ANKRD26: variants seen among roughly 807,000 people sequenced by gnomAD.
ANKRD26 encodes ankyrin repeat domain-containing protein 26.
ANKRD26 carries 141 observed loss-of-function variants against 208.7 expected under a neutral mutation model. The observed-to-expected ratio is 0.68, with a 90% CI of 0.59 to 0.78. The LOEUF is 0.78. ANKRD26 is among the 30% of genes least tolerant of loss of function. ANKRD26 has a pLI of 0.00. For missense variants in ANKRD26, 1,889 were observed against 1,938.7 expected (o/e 0.97, Z 0.48); for synonymous variants, 636 against 660.4 (o/e 0.96, Z 0.57).
At chr10:27,035,843 A>G in intron 23 of ANKRD26, 91 bp from the exon 24 acceptor site, 1 of 983,424 alleles carries the variant, frequency 1.0e-6, no homozygotes, top group Non-Finnish European at 1.6e-6. Flanking sequence ...TGTACATTTT[A>G]CAATAAAGGG....
rs1363304737 is a variant in ANKRD26 at position 27,029,212 on chromosome 10, T to A, written c.3878+74A>T. The A allele has an allele frequency of 1.4e-5, 21 of 1,475,642 alleles. No homozygotes were observed. In the Admixed American group the frequency reaches 3.3e-4, roughly 23 times the overall value. 91.4% of individuals were successfully genotyped at this position (1,475,642 alleles called of 1,614,324 possible). On this transcript the variant is annotated intron_variant, in intron 26 of 33. Coordinates refer to ENST00000376087, the MANE Select transcript of ANKRD26 (RefSeq NM_014915.3). Reference sequence around the variant, plus strand: ...CAGATGTACTTATGATCATAGCTGATATAATTCTCATACTACACTGCTTAT... The same window carrying A: ...CAGATGTACTTATGATCATAGCTGAAATAATTCTCATACTACACTGCTTAT...
At chr10:27,096,930 C>T (rs183213705) in intron 1 of ANKRD26, among the ~76,000 whole-genome samples, 13 of 151,988 alleles carry the variant, frequency 8.6e-5, no homozygotes, top group African/African-American at 3.1e-4. Flanking sequence ...GCCTGTAATC[C>T]CAACACTTTG....
At chr10:27,030,406 C>G (rs2135130934) in intron 25 of ANKRD26, 2 of 985,414 alleles carry the variant, frequency 2.0e-6, no homozygotes, top group Non-Finnish European at 2.4e-6. Flanking sequence ...GCCATCAGAG[C>G]ACTGGACTGA....
chr10:27,078,985 C>T (rs1243617620), intron 7 of ANKRD26, 104 bp downstream of exon 7: 1 of 850,210 alleles, frequency 1.2e-6, no homozygotes, highest in Non-Finnish European at 1.9e-6. Context: ...CTTTCCATTA[C>T]AAACAGAAAA....
rs943674050 is a variant in ANKRD26 at position 27,035,319 on chromosome 10, A to G, written c.3131T>C (p.Leu1044Ser). 6.2e-7 allele frequency: 1 copy of G among 1,613,858 alleles called. No individual in the cohort carries two copies. The highest frequency in any genetic ancestry group is 8.5e-7 in the Non-Finnish European group (1 of 1,179,924). Residue 1044 changes from leucine (L) to serine (S), a missense_variant, in exon 24 of 34, where the codon TTA becomes TCA. Coordinates refer to ENST00000376087, the MANE Select transcript of ANKRD26 (RefSeq NM_014915.3). ...CACATCAAAATTCATTTTGTCCTGT[A>G]AACGAGAACATTCATCTCTTGCTCT... ...FQRARDECSR[L>S]QDKMNFDVSN...
intron 7 of ANKRD26, among the ~76,000 whole-genome samples, chr10:27,078,156 G>A (rs1479145395): frequency 2.6e-5 from 4 of 152,066 alleles, no homozygotes; most frequent in Non-Finnish European, 5.9e-5. Context: ...TATGAAAGTG[G>A]GTTGGCACTG....
At chr10:27,069,190 G>A (rs569786246) in intron 9 of ANKRD26, among the ~76,000 whole-genome samples, 31 of 66,878 alleles carry the variant, frequency 4.6e-4, no homozygotes, top group African/African-American at 1.4e-3. Context: ...GTGAGACGTC[G>A]TCTCAAAAAA....
downstream of ANKRD26, among the ~76,000 whole-genome samples, chr10:27,000,767 G>A (rs2052704384): frequency 6.6e-6 from 1 of 152,210 alleles, no homozygotes; most frequent in Admixed American, 6.5e-5. Flanking sequence ...ACTTTGGGAG[G>A]CCGAGGCAGG....
At chr10:27,045,690 T>C (rs1011362677) in intron 18 of ANKRD26, among the ~76,000 whole-genome samples, 3 of 152,200 alleles carry the variant, frequency 2.0e-5, no homozygotes, top group Admixed American at 6.5e-5. Flanking sequence ...TACTCTGATA[T>C]CTTCAATTAT....
chr10:26,985,415 T>A (rs564226637), intron 3 of ANKRD26, among the ~76,000 whole-genome samples: 1 of 152,320 alleles, frequency 6.6e-6, no homozygotes, highest in East Asian at 1.9e-4. Flanking sequence ...TAGGTTCACA[T>A]CATATTTCGC....
chr10:26,984,745 G>T (rs944679283), intron 3 of ANKRD26, among the ~76,000 whole-genome samples: 1 of 152,136 alleles, frequency 6.6e-6, no homozygotes, highest in African/African-American at 2.4e-5. Context: ...ATTGTATAAG[G>T]GTATAGTTGA....
At chr10:26,982,863 A>G (rs891839974) in intron 3 of ANKRD26, among the ~76,000 whole-genome samples, 4 of 152,208 alleles carry the variant, frequency 2.6e-5, no homozygotes, top group African/African-American at 9.6e-5. Flanking sequence ...GATTCCTATT[A>G]TGAGCAATAG....
At chr10:26,973,649 C>CTTTTTTTTTTTTT (rs71386903), downstream of ANKRD26, among the ~76,000 whole-genome samples, 22 of 88,428 alleles carry the variant, frequency 2.5e-4, no homozygotes, top group East Asian at 3.9e-4. Flanking sequence ...TTTATTTGTC[C>CTTTTTTTTTTTTT]TTTTTTTTTT....
chr10:26,977,581 A>G lies in ANKRD26; in HGVS notation c.*282-1539T>C, dbSNP rs189680478. ...TATGCATTTTGCACAGGCAAAAGGC[A>G]CTGTACTAATGCACGTTTATAATGC... On this transcript the variant is annotated intron_variant and NMD_transcript_variant, in intron 5 of 5. Transcript: ENST00000674670. Among the ~76,000 whole-genome samples the G allele has an allele frequency of 3.7e-4, 56 of 152,366 alleles. 1 individual carries two copies. Among genetic ancestry groups the G allele is most frequent in the Admixed American group, 3.5e-3 (53 of 15,304 alleles).
intron 4 of ANKRD26, among the ~76,000 whole-genome samples, chr10:27,090,140 G>A (rs1438986236): frequency 6.6e-6 from 1 of 152,060 alleles, no homozygotes; most frequent in Non-Finnish European, 1.5e-5. Context: ...GGGCATGAGG[G>A]GTGTTCTAAA....
the ANKRD26 span, among the ~76,000 whole-genome samples, chr10:26,950,695 G>A: frequency 1.3e-5 from 2 of 152,212 alleles, no homozygotes; most frequent in South Asian, 4.1e-4. Flanking sequence ...CAAAAGCTGA[G>A]CAGATGCCAG....
chr10:27,024,666 A>C (rs1236920861), intron 27 of ANKRD26, 107 bp from the exon 28 acceptor site: 1 of 630,778 alleles, frequency 1.6e-6, no homozygotes, highest in Non-Finnish European at 2.8e-6. Flanking sequence ...TAGGCATATA[A>C]AATGCAGTTT....
At chr10:26,972,032 G>A (rs7094829), downstream of ANKRD26, among the ~76,000 whole-genome samples, 64,818 of 151,712 alleles carry the variant, frequency 0.43, 14,062 homozygotes, top group Middle Eastern at 0.51. Flanking sequence ...TCAGGAGATC[G>A]AGACCATCCT....
intron 30 of ANKRD26, among the ~76,000 whole-genome samples, chr10:27,016,295 GTTTGT>G (rs1319386195): frequency 2.6e-5 from 4 of 151,708 alleles, no homozygotes; most frequent in Non-Finnish European, 4.4e-5. Flanking sequence ...AGCCTAATTT[GTTTGT>G]TTTGTTTTGT....
Sources: allele counts gnomAD v4.1 joint callset (sites outside exome capture counted in the v4.1 genomes callset), GRCh38; gene constraint gnomAD v4.1.1; transcripts MANE v1.5; gene names NCBI Gene and HGNC (gene_info 2026-07-23, HGNC 2026-07-21).